The following WDR70 variants were observed in gnomAD, a reference collection of about 807,000 sequenced individuals.
WDR70 encodes the protein WD repeat domain 70.
WDR70 carries 53 observed loss-of-function variants against 88.6 expected under a neutral mutation model. The ratio of observed to expected loss-of-function variants is 0.60; its 90% confidence interval spans 0.48 to 0.75. The LOEUF is 0.75. Ranked by LOEUF, WDR70 falls within the 30% of genes least tolerant of loss-of-function variation. The pLI, the probability that WDR70 is intolerant of heterozygous loss-of-function variation, is 0.00. For synonymous variants in WDR70, 280 were observed against 270.0 expected (o/e 1.04, Z -0.36); for missense variants, 610 against 823.2 (o/e 0.74, Z 3.17).
chr5:37,663,668 G>A (rs1030189669), intron 10 of WDR70, among the ~76,000 whole-genome samples: 1 of 151,966 alleles, frequency 6.6e-6, no homozygotes, highest in Non-Finnish European at 1.5e-5. Context: ...GGAAAAATAG[G>A]GACAATAGGC....
At chr5:37,585,170 T>G (rs1392215562) in intron 9 of WDR70, among the ~76,000 whole-genome samples, 1 of 151,928 alleles carries the variant, frequency 6.6e-6, no homozygotes, top group African/African-American at 2.4e-5. Context: ...TTTTGCATTT[T>G]TAGTAGAGAC....
chr5:37,475,261 G>C (rs1321673971), intron 7 of WDR70, among the ~76,000 whole-genome samples: 2 of 145,230 alleles, frequency 1.4e-5, no homozygotes, highest in African/African-American at 5.1e-5. Flanking sequence ...TTTAAATGGA[G>C]TTTCGCTTTT....
At chr5:37,573,792 A>G (rs1742979825) in intron 9 of WDR70, among the ~76,000 whole-genome samples, 1 of 152,062 alleles carries the variant, frequency 6.6e-6, no homozygotes, top group Admixed American at 6.6e-5. Context: ...CGTTCCACTG[A>G]AATTACCCTC....
intron 2 of WDR70, among the ~76,000 whole-genome samples, chr5:37,380,009 C>T (rs1391601573): frequency 6.6e-6 from 1 of 152,086 alleles, no homozygotes; most frequent in East Asian, 1.9e-4. Context: ...CCAGGTTATA[C>T]CAAAGTTAAC....
intron 5 of WDR70, among the ~76,000 whole-genome samples, chr5:37,433,065 A>AT (rs1181319581): frequency 4.0e-5 from 6 of 151,344 alleles, no homozygotes; most frequent in East Asian, 3.9e-4. Flanking sequence ...AAAATCTCAG[A>AT]TTTTTTTTTG....
chr5:37,433,799 C>G (rs1156386844), intron 5 of WDR70, among the ~76,000 whole-genome samples: 1 of 152,194 alleles, frequency 6.6e-6, no homozygotes, highest in Non-Finnish European at 1.5e-5. Context: ...GTGTATACTT[C>G]TGTTACAGCA....
intron 5 of WDR70, among the ~76,000 whole-genome samples, chr5:37,403,880 C>A (rs1244021857): frequency 6.6e-6 from 1 of 152,056 alleles, no homozygotes; most frequent in Non-Finnish European, 1.5e-5. Flanking sequence ...GTAACTAGGA[C>A]TACAGGTGCA....
At chr5:37,423,267 C>T (rs778152978) in intron 5 of WDR70, among the ~76,000 whole-genome samples, 1 of 151,448 alleles carries the variant, frequency 6.6e-6, no homozygotes, top group African/African-American at 2.4e-5. Context: ...AATATAGATT[C>T]CTGTCTAGAT....
chr5:37,477,499 A>G (rs77321976), intron 7 of WDR70, among the ~76,000 whole-genome samples: 7,345 of 152,164 alleles, frequency 0.048, 577 homozygotes, highest in African/African-American at 0.16. Flanking sequence ...GGCAGGTTGG[A>G]TCTTCAGCAG....
chr5:37,533,035 T>C (rs912826580), intron 9 of WDR70, among the ~76,000 whole-genome samples: 2 of 152,200 alleles, frequency 1.3e-5, no homozygotes, highest in Admixed American at 6.5e-5. Flanking sequence ...TTTGTTCTTC[T>C]GAGTCTAGCC....
chr5:37,393,628 G>A (rs911826604), intron 4 of WDR70, among the ~76,000 whole-genome samples: 2 of 151,958 alleles, frequency 1.3e-5, no homozygotes, highest in Non-Finnish European at 2.9e-5. Flanking sequence ...ATTTGGAAGC[G>A]TGTTGTTTTA....
chr5:37,444,598 T>C (rs1391831860), intron 7 of WDR70, among the ~76,000 whole-genome samples: 1 of 152,064 alleles, frequency 6.6e-6, no homozygotes, highest in East Asian at 1.9e-4. Flanking sequence ...CTGCCTCGTC[T>C]TCCCAAAGTG....
At chr5:37,389,456 G>C (rs1231456235) in intron 3 of WDR70, among the ~76,000 whole-genome samples, 1 of 151,838 alleles carries the variant, frequency 6.6e-6, no homozygotes. Context: ...TGTTGCCCAG[G>C]CTGGAGTGCA....
intron 7 of WDR70, among the ~76,000 whole-genome samples, chr5:37,449,981 A>G (rs574490013): frequency 6.6e-6 from 1 of 152,184 alleles, no homozygotes; most frequent in East Asian, 1.9e-4. Flanking sequence ...CCCACTTATG[A>G]GTGAGAACAT....
At chr5:37,478,206 C>A (rs1415671548) in intron 7 of WDR70, among the ~76,000 whole-genome samples, 1 of 152,236 alleles carries the variant, frequency 6.6e-6, no homozygotes, top group African/African-American at 2.4e-5. Context: ...ATCGACTGCT[C>A]TTAGCAACAG....
At chr5:37,590,978 A>C (rs973498985) in intron 9 of WDR70, among the ~76,000 whole-genome samples, 3 of 152,198 alleles carry the variant, frequency 2.0e-5, no homozygotes, top group African/African-American at 7.2e-5. Flanking sequence ...GAAATTAAAA[A>C]ACAAAGAAAA....
At chr5:37,553,987 T>G (rs573643349) in intron 9 of WDR70, among the ~76,000 whole-genome samples, 8 of 152,300 alleles carry the variant, frequency 5.3e-5, no homozygotes, top group Non-Finnish European at 1.2e-4. Flanking sequence ...GAAAGGTTTA[T>G]AAACATCTGT....
intron 10 of WDR70, among the ~76,000 whole-genome samples, chr5:37,656,759 G>A (rs961722508): frequency 7.9e-5 from 12 of 152,248 alleles, no homozygotes; most frequent in South Asian, 4.1e-4. Flanking sequence ...GGGGAAAACC[G>A]CCTCCTCAAG....
chr5:37,599,785 C>T (rs1282943009), intron 9 of WDR70, among the ~76,000 whole-genome samples: 12 of 151,758 alleles, frequency 7.9e-5, no homozygotes. Flanking sequence ...CCTAGCTACT[C>T]AAGGGGCTGA....
Sources: allele counts gnomAD v4.1 joint callset (sites outside exome capture counted in the v4.1 genomes callset), GRCh38; gene constraint gnomAD v4.1.1; transcripts MANE v1.5; gene names NCBI Gene and HGNC (gene_info 2026-07-23, HGNC 2026-07-21).